Variants in PDE2A observed in about 807,000 individuals in gnomAD.
The protein encoded by PDE2A is phosphodiesterase 2A.
In PDE2A, 53 loss-of-function variants were observed where a neutral mutation model predicts 133.6. The ratio of observed to expected loss-of-function variants is 0.40; its 90% confidence interval spans 0.32 to 0.50. The LOEUF is 0.50. PDE2A is among the 20% of genes least tolerant of loss of function. The pLI is 0.73. For missense variants in PDE2A, 796 were observed against 1,232.4 expected (o/e 0.65, Z 5.30); for synonymous variants, 491 against 490.2 (o/e 1.00, Z -0.02).
chr11:72,659,915 C>A (rs1436358228), intron 1 of PDE2A, among the ~76,000 whole-genome samples: 2 of 152,184 alleles, frequency 1.3e-5, no homozygotes, highest in African/African-American at 4.8e-5. Flanking sequence ...CATCCCTTCC[C>A]CTGCCTGGCT....
rs914918170 is a variant in PDE2A at position 72,588,811 on chromosome 11, C to G, written c.1043G>C (p.Cys348Ser). ...RATDQVVALA[C>S]AFNKLEGDLF... ...GTCTCCTTCTAGCTTGTTGAAGGCG[C>G]AGGCCAAGGCCACCACCTGGTCAGT... is the stretch of plus-strand genomic sequence containing the variant. The change falls in exon 13 of 31, where the codon TGC becomes TCC. Residue 348 changes from cysteine to serine, a missense_variant. This residue lies in a region of PDE2A where 417 missense variants were observed against 475.3 expected (regional missense o/e 0.88). Coordinates refer to ENST00000334456, the MANE Select transcript of PDE2A (RefSeq NM_002599.5). 1 of 1,607,238 alleles carries G rather than the reference C, an allele frequency of 6.2e-7. No homozygotes were observed. Among genetic ancestry groups the G allele is most frequent in the African/African-American group, 1.3e-5 (1 of 74,924 alleles).
chr11:72,624,738 T>C lies in PDE2A; in HGVS notation c.145-15987A>G, dbSNP rs1464378733. On this transcript the variant is annotated intron_variant, in intron 2 of 30. Coordinates refer to ENST00000334456, the MANE Select transcript of PDE2A (RefSeq NM_002599.5). ...CACACTCGGTGTCAGCATCACACAA[T>C]CAATATCACACAGTGTTACACACTT... Among the ~76,000 whole-genome samples, 3 of 152,306 alleles carry C rather than the reference T, an allele frequency of 2.0e-5. No individual in the cohort carries two copies. The East Asian group carries it at 5.8e-4, about 29-fold the overall frequency.
intron 1 of PDE2A, among the ~76,000 whole-genome samples, chr11:72,644,957 A>G: frequency 6.6e-6 from 1 of 152,096 alleles, no homozygotes; most frequent in East Asian, 1.9e-4. Flanking sequence ...GGATTTCGCC[A>G]TGTTGGCCAG....
chr11:72,617,985 C>T (rs543404364), intron 2 of PDE2A, among the ~76,000 whole-genome samples: 3 of 152,304 alleles, frequency 2.0e-5, no homozygotes, highest in Non-Finnish European at 2.9e-5. Flanking sequence ...CCACCATGCT[C>T]CCCAGGGCCG....
chr11:72,608,923 A>G (rs938107172), intron 2 of PDE2A, among the ~76,000 whole-genome samples, 172 bp from the exon 3 acceptor site: 5 of 152,198 alleles, frequency 3.3e-5, no homozygotes, highest in African/African-American at 1.2e-4. Context: ...AGGCCACAGA[A>G]TGTCCAAGTA....
intron 2 of PDE2A, 110 bp downstream of exon 2, chr11:72,642,144 G>C: frequency 7.6e-7 from 1 of 1,316,324 alleles, no homozygotes; most frequent in Non-Finnish European, 9.8e-7. Flanking sequence ...GTAGAATTCA[G>C]AACTAGAGGA....
chr11:72,659,592 G>A (rs1298827968), intron 1 of PDE2A, among the ~76,000 whole-genome samples: 1 of 152,092 alleles, frequency 6.6e-6, no homozygotes, highest in African/African-American at 2.4e-5. Flanking sequence ...TTAATATTTA[G>A]TTCTAGAACT....
In PDE2A at chr11:72,668,171, T is replaced by C. The variant is rs1047664567; in HGVS notation, c.71+5966A>G. On this transcript the variant is annotated intron_variant, in intron 1 of 30. Coordinates refer to ENST00000334456, the MANE Select transcript of PDE2A (RefSeq NM_002599.5). ...GCTCAGCTGTTCCTCTGCCGAGATG[T>C]CTCACATCCAACTTTAGTTGTCCAC... 3.7e-5 allele frequency: 26 copies of C among 706,726 alleles called. No individual in the cohort carries two copies. The Admixed American group carries it at 5.0e-4, about 14-fold the overall frequency. 43.8% of individuals were successfully genotyped at this position (706,726 alleles called of 1,614,324 possible).
intron 2 of PDE2A, among the ~76,000 whole-genome samples, chr11:72,633,824 C>T (rs182753473): frequency 1.3e-5 from 2 of 152,096 alleles, no homozygotes; most frequent in Admixed American, 6.5e-5. Flanking sequence ...AGCCCCCTAC[C>T]GCATTTCTGT....
intron 2 of PDE2A, among the ~76,000 whole-genome samples, chr11:72,624,340 G>A (rs1161397585): frequency 1.3e-5 from 2 of 152,038 alleles, no homozygotes; most frequent in Admixed American, 6.5e-5. Flanking sequence ...TGAACCCATC[G>A]GTGCCTTCCC....
Position 72,590,491 on chromosome 11 carries a change from C to A in PDE2A, c.639G>T (p.Thr213=), listed in dbSNP as rs1453340831. The A allele has an allele frequency of 3.9e-6, 6 of 1,522,328 alleles. No homozygotes were observed. Among genetic ancestry groups the A allele is most frequent in the Non-Finnish European group, 5.3e-6 (6 of 1,139,228 alleles). The allele number at this position is 1,522,328 out of a possible 1,614,324, so 94.3% of individuals were successfully genotyped here. A position where few individuals can be genotyped will look rare whatever the true frequency, so the allele number is the denominator to read the frequency against. The change falls in exon 8 of 31, where the codon ACG becomes ACT. Residue 213 remains threonine, a synonymous_variant. Transcript: ENST00000334456. This position sits in a 1 kb window ranked among gnomAD's most constrained non-coding sequence, Gnocchi z 4.8. ...CCGCCCCGCCCTTCTGGTCTTCCGC[C>A]GTCCCCTCCGGGGGGTTCTGGACGG... ...PRAVQNPPEG[T]AEDQKGGAAY... is the part of the protein sequence containing the mutation.
chr11:72,637,519 A>C (rs1270181046), intron 2 of PDE2A, among the ~76,000 whole-genome samples: 1 of 152,248 alleles, frequency 6.6e-6, no homozygotes, highest in Non-Finnish European at 1.5e-5. Context: ...GGAGGTAAGA[A>C]TCCCTGGGCT....
chr11:72,578,553 A>C lies in PDE2A; in HGVS notation c.2470-39T>G. ...ACTCTCATCACATCCTCTATGTAGGATACATCCACCCAAGCTCCTCTGACA... is the reference window on the plus strand; with the variant it reads ...ACTCTCATCACATCCTCTATGTAGGCTACATCCACCCAAGCTCCTCTGACA... On this transcript the variant is annotated intron_variant, in intron 28 of 30. Transcript: ENST00000334456. This position sits in a 1 kb window ranked among gnomAD's most constrained non-coding sequence, Gnocchi z 4.2. The C allele has an allele frequency of 1.3e-6, 2 of 1,554,230 alleles. No homozygotes were observed. Among genetic ancestry groups the C allele is most frequent in the Middle Eastern group, 1.7e-4 (1 of 5,950 alleles).
intron 1 of PDE2A, chr11:72,658,011 T>C: frequency 2.2e-6 from 1 of 456,288 alleles, no homozygotes; most frequent in Non-Finnish European, 4.4e-6. Context: ...ATGTTGTGCC[T>C]TCTCCTGGCA....
chr11:72,672,584 G>A (rs1855409859), intron 1 of PDE2A, among the ~76,000 whole-genome samples: 1 of 152,084 alleles, frequency 6.6e-6, no homozygotes, highest in Non-Finnish European at 1.5e-5. Flanking sequence ...TAAGAGTCCT[G>A]GATCTTAAAG....
intron 4 of PDE2A, among the ~76,000 whole-genome samples, chr11:72,599,675 C>G (rs1312997763): frequency 1.3e-5 from 2 of 152,220 alleles, no homozygotes; most frequent in Non-Finnish European, 2.9e-5. Context: ...CATGGCAGAG[C>G]AAGAATAAGT....
chr11:72,668,781 C>A (rs1855310026), intron 1 of PDE2A, among the ~76,000 whole-genome samples: 1 of 152,364 alleles, frequency 6.6e-6, no homozygotes, highest in Non-Finnish European at 1.5e-5. Flanking sequence ...TCAGACCAGT[C>A]AGAACAACTT....
intron 2 of PDE2A, among the ~76,000 whole-genome samples, chr11:72,609,052 C>T (rs188280198): frequency 1.3e-3 from 195 of 152,252 alleles, no homozygotes; most frequent in African/African-American, 4.3e-3. Flanking sequence ...GTTCTCTAGT[C>T]GAGGACAATT....
At chr11:72,585,889 C>T (rs1344997334) in intron 14 of PDE2A, among the ~76,000 whole-genome samples, 181 bp downstream of exon 14, 1 of 152,210 alleles carries the variant, frequency 6.6e-6, no homozygotes, top group East Asian at 1.9e-4. Flanking sequence ...ACATACAGTG[C>T]CTGCGGGCAG....
Sources: gnomAD v4.1 joint callset for allele counts (sites outside exome capture counted in the v4.1 genomes callset) on GRCh38, gnomAD v4.1.1 for gene constraint, gnomAD v4.1.1 regional missense constraint, Gnocchi (gnomAD v3.1) non-coding constraint, MANE v1.5 for transcripts, NCBI Gene and HGNC (gene_info 2026-07-23, HGNC 2026-07-21) for gene names.